The following MMP25 variants were observed in gnomAD, a reference collection of about 807,000 sequenced individuals.
MMP25 encodes matrix metallopeptidase 25.
MMP25 carries 68 observed loss-of-function variants against 62.1 expected under a neutral mutation model. That is an observed-to-expected ratio of 1.10 (90% CI 0.90 to 1.34). The LOEUF is 1.34. Among genes scored for constraint, MMP25 ranks in the 40% most tolerant of loss-of-function variants. MMP25 has a pLI of 0.00. For synonymous variants in MMP25, 407 were observed against 345.6 expected, an observed-to-expected ratio of 1.18 and a Z score of -1.97; for missense variants, 942 against 792.5, an observed-to-expected ratio of 1.19 and a Z score of -2.26.
rs1956089329 is a variant in MMP25, at chr16:3,060,158, A to C, written c.*1060A>C. On this transcript the variant is annotated 3_prime_UTR_variant, in exon 10 of 10. Transcript: ENST00000336577. ...CTCGTTCACCCTGTCCCCACTCCCC[A>C]CAGTTTTAGGATCTAAATGATTGCC... The C allele has an allele frequency of 6.6e-6, 1 of 152,118 alleles. No individual in the cohort carries two copies. The highest frequency in any genetic ancestry group is 1.5e-5 in the Non-Finnish European group (1 of 68,070). The allele number at this position is 152,118 out of a possible 1,614,324, so 9.4% of individuals were successfully genotyped here.
rs1281056323 is a variant in MMP25, at chr16:3,047,025, G to T, written c.99+9G>T. On this transcript the variant is annotated intron_variant, in intron 1 of 9. Transcript: ENST00000336577. ...ACGTGAGCCTGGGCGTGGTGAGCGC[G>T]GGGTCCGCAGGCTCCTGGGGTCTGC... is the stretch of plus-strand genomic sequence containing the variant. 30 of 1,431,020 alleles carry T rather than the reference G, an allele frequency of 2.1e-5. No homozygotes were observed. Among genetic ancestry groups the T allele is most frequent in the Non-Finnish European group, 2.7e-5 (30 of 1,100,168 alleles). 88.6% of individuals were successfully genotyped at this position (1,431,020 alleles called of 1,614,324 possible). A position where few individuals can be genotyped will look rare whatever the true frequency, so the allele number is the denominator to read the frequency against.
In MMP25 at chr16:3,050,449, G is replaced by C. The variant is rs747582945; in HGVS notation, c.564G>C (p.Leu188Phe). Residue 188 changes from leucine (L) to phenylalanine (F), a missense_variant, in exon 4 of 10, where the codon TTG (leucine) becomes TTC (phenylalanine). Transcript: ENST00000336577. Reference protein sequence around the residue: ...FHQDSYPFDGLGGTLAHAFFP... With the variant: ...FHQDSYPFDGFGGTLAHAFFP... ...AGGACAGCTACCCCTTCGACGGGTT[G>C]GGGGGCACCCTAGCCCATGCCTTCT... 1 of 1,613,422 alleles carries C rather than the reference G, an allele frequency of 6.2e-7. No individual in the cohort carries two copies. Among genetic ancestry groups the C allele is most frequent in the Non-Finnish European group, 8.5e-7 (1 of 1,179,764 alleles).
chr16:3,048,445 A>G (rs941960225), intron 2 of MMP25, among the ~76,000 whole-genome samples: 1 of 152,236 alleles, frequency 6.6e-6, no homozygotes, highest in Admixed American at 6.5e-5. Flanking sequence ...CAGATCAAGA[A>G]CATAAATATG....
chr16:3,057,320 C>G lies in MMP25; in HGVS notation c.849C>G (p.Pro283=). The change falls in exon 6 of 10, where the codon CCC becomes CCG. Residue 283 remains proline (P), a synonymous_variant. Coordinates refer to ENST00000336577, the MANE Select transcript of MMP25 (RefSeq NM_022468.5). ...DGLQQLYGKA[P]QTPYDKPTRK... is the part of the protein sequence containing the mutation. ...ACTCTTTCCTCACAGGGAAGGCGCC[C>G]CAAACCCCATATGACAAGCCCACAA... is the stretch of plus-strand genomic sequence containing the variant. The G allele has an allele frequency of 1.9e-6, 3 of 1,614,068 alleles. No homozygotes were observed. The highest frequency in any genetic ancestry group is 2.2e-5 in the East Asian group (1 of 44,876).
intron 7 of MMP25, 26 bp downstream of exon 7, chr16:3,057,639 T>C (rs1345036647): frequency 2.5e-6 from 4 of 1,608,198 alleles, no homozygotes; most frequent in African/African-American, 2.7e-5. Flanking sequence ...TGGCCTCATA[T>C]ATGTTGGTTT....
Position 3,057,973 on chromosome 16 carries a change from C to T in MMP25, c.1007-208C>T, listed in dbSNP as rs891327850. 1.8e-5 allele frequency: 11 copies of T among 607,994 alleles called. No homozygotes were observed. The Admixed American group carries it at 3.0e-4, about 16-fold the overall frequency. The allele number at this position is 607,994 out of a possible 1,614,324, so 37.7% of individuals were successfully genotyped here. On this transcript the variant is annotated intron_variant, in intron 7 of 9. Coordinates refer to ENST00000336577, the MANE Select transcript of MMP25 (RefSeq NM_022468.5). ...CGGTGTCAGCCTCCCAATGTGCTGG[C>T]ATTACAGGTCTGAGCCACCAGGCAA... is the stretch of plus-strand genomic sequence containing the variant.
Position 3,050,563 on chromosome 16 carries a change from T to C in MMP25, c.661+17T>C. On this transcript the variant is annotated intron_variant, in intron 4 of 9. Coordinates refer to ENST00000336577, the MANE Select transcript of MMP25 (RefSeq NM_022468.5). ...GGTCAAAAGGTAAAATCTCCTCTCT[T>C]ATGAGAGATCCTCTTGCCAGGTCTG... The C allele has an allele frequency of 1.3e-6, 2 of 1,511,688 alleles. No individual in the cohort carries two copies. The highest frequency in any genetic ancestry group is 1.8e-6 in the Non-Finnish European group (2 of 1,132,624). The allele number at this position is 1,511,688 out of a possible 1,614,324, so 93.6% of individuals were successfully genotyped here.
intron 4 of MMP25, chr16:3,056,832 G>C (rs903370423): frequency 3.6e-6 from 2 of 554,886 alleles, no homozygotes; most frequent in Admixed American, 3.6e-5. Flanking sequence ...CTGTGGTCCA[G>C]TGTCCATCAC....
Position 3,057,059 on chromosome 16 carries a change from G to T in MMP25, c.688G>T (p.Val230Leu). The T allele has an allele frequency of 1.3e-6, 2 of 1,594,970 alleles. No homozygotes were observed. Among genetic ancestry groups the T allele is most frequent in the Admixed American group, 1.8e-5 (1 of 57,026 alleles). ...CGGCGAGGGGACCGACCTGTTTGCC[G>T]TGGCTGTCCATGAGTTTGGCCACGC... ...KDGEGTDLFA[V>L]AVHEFGHALG... is the part of the protein sequence containing the mutation. Residue 230 changes from valine to leucine, a missense_variant, in exon 5 of 10, where the codon GTG becomes TTG. Val to Leu is a conservative substitution (Grantham distance 32). Transcript: ENST00000336577.
chr16:3,049,509 GGACCCCAGAGA>G (rs1955868575), intron 2 of MMP25, among the ~76,000 whole-genome samples: 2 of 152,318 alleles, frequency 1.3e-5, no homozygotes, highest in South Asian at 4.1e-4. Flanking sequence ...CTGGGAAAGG[GGACCCCAGAGA>G]GACCTAACCC....
Position 3,047,499 on chromosome 16 carries a change from A to C in MMP25, c.184A>C (p.Ile62Leu). The change falls in exon 2 of 10, where the codon ATC becomes CTC. Residue 62 changes from isoleucine to leucine, a missense_variant. Coordinates refer to ENST00000336577, the MANE Select transcript of MMP25 (RefSeq NM_022468.5). ...GAGCCCTGAGAAGTTGCGCGATGCCATCAAAGTCATGCAGAGGTTCGCGGG... is the reference window on the plus strand; with the variant it reads ...GAGCCCTGAGAAGTTGCGCGATGCCCTCAAAGTCATGCAGAGGTTCGCGGG... ...LQSPEKLRDA[I>L]KVMQRFAGLP... 6.2e-7 allele frequency: 1 copy of C among 1,613,798 alleles called. No individual in the cohort carries two copies. The highest frequency in any genetic ancestry group is 8.5e-7 in the Non-Finnish European group (1 of 1,179,940).
rs1034381190 is a variant in MMP25 at position 3,046,896 on chromosome 16, G to T, written c.-22G>T. The T allele has an allele frequency of 2.5e-5, 35 of 1,373,338 alleles. No homozygotes were observed. The African/African-American group carries it at 5.2e-4, about 20-fold the overall frequency. 85.1% of individuals were successfully genotyped at this position (1,373,338 alleles called of 1,614,324 possible). On this transcript the variant is annotated 5_prime_UTR_variant, in exon 1 of 10. Coordinates refer to ENST00000336577, the MANE Select transcript of MMP25 (RefSeq NM_022468.5). ...GCCAGGCCCCCTTCGAACCCCGCCG[G>T]CGGCCCGGGCTGGGGCGCACCATGC... is the stretch of plus-strand genomic sequence containing the variant.
rs114456494 is a variant in MMP25 at position 3,048,746 on chromosome 16, T to C, written c.232+1199T>C. 7.4e-3 allele frequency among the ~76,000 whole-genome samples: 1,128 copies of C among 152,082 alleles called. 13 individuals carry two copies. Among genetic ancestry groups the C allele is most frequent in the African/African-American group, 0.026 (1,060 of 41,466 alleles). On this transcript the variant is annotated intron_variant, in intron 2 of 9. Coordinates refer to ENST00000336577, the MANE Select transcript of MMP25 (RefSeq NM_022468.5). ...TGATTAGGGTTGATTCCAAGGGTGA[T>C]TAGCAACCACCTAAGTGTTCTCAGA...
chr16:3,052,081 G>A (rs146446575), intron 4 of MMP25: 7,653 of 152,084 alleles, frequency 0.05, 274 homozygotes, highest in Middle Eastern at 0.095. Flanking sequence ...AGCCGAGATC[G>A]TGCCACTGCA....
At chr16:3,055,222 G>T (rs932900911) in intron 4 of MMP25, among the ~76,000 whole-genome samples, 5 of 152,098 alleles carry the variant, frequency 3.3e-5, no homozygotes, top group African/African-American at 1.2e-4. Flanking sequence ...GTGGGGCTGG[G>T]TCTGCACAGC....
chr16:3,056,449 G>C (rs1382352484), intron 4 of MMP25, among the ~76,000 whole-genome samples: 3 of 151,562 alleles, frequency 2.0e-5, no homozygotes, highest in Non-Finnish European at 4.4e-5. Flanking sequence ...CTCCAGGCTG[G>C]AGTGCAATGA....
chr16:3,050,493 T>C lies in MMP25; in HGVS notation c.608T>C (p.Ile203Thr), dbSNP rs985290664. The stretch of plus-strand genomic sequence containing the variant: ...GCCTTCTTCCCTGGGGAGCACCCCA[T>C]CTCCGGGGACACTCACTTTGACGAT... ...AHAFFPGEHP[I>T]SGDTHFDDEE... is the part of the protein sequence containing the mutation. The change falls in exon 4 of 10, where the codon ATC becomes ACC. Residue 203 changes from isoleucine (I) to threonine (T), a missense_variant. By Grantham distance (89) the Ile-to-Thr change is moderately conservative. Coordinates refer to ENST00000336577, the MANE Select transcript of MMP25 (RefSeq NM_022468.5). 78 of 1,598,882 alleles carry C rather than the reference T, an allele frequency of 4.9e-5. No homozygotes were observed. The highest frequency in any genetic ancestry group is 6.6e-5 in the Non-Finnish European group (77 of 1,170,666).
At chr16:3,047,588 C>G in intron 2 of MMP25, 41 bp downstream of exon 2, 1 of 1,601,254 alleles carries the variant, frequency 6.2e-7, no homozygotes, top group Non-Finnish European at 8.5e-7. Context: ...CCTCTGCACC[C>G]AGCCTGTCCA....
In MMP25 at chr16:3,058,864, C is replaced by CT. The variant is rs781724086; in HGVS notation, c.1457dup (p.Lys488GlnfsTer147). On this transcript the variant is annotated frameshift_variant, in exon 10 of 10. Transcript: ENST00000336577. LOFTEE classifies it high-confidence loss of function. The stretch of plus-strand genomic sequence containing the variant: ...TCTTCAAGGGCGCCCACTACTGGCG[C>CT]TTCCCCAAGAACAGCATCAAGACCG... 5.8e-6 allele frequency: 9 copies of CT among 1,546,226 alleles called. No individual in the cohort carries two copies. Among genetic ancestry groups the CT allele is most frequent in the Non-Finnish European group, 7.9e-6 (9 of 1,144,068 alleles).
Sources: allele counts gnomAD v4.1 joint callset (sites outside exome capture counted in the v4.1 genomes callset), GRCh38; gene constraint gnomAD v4.1.1; transcripts MANE v1.5; gene names NCBI Gene and HGNC (gene_info 2026-07-23, HGNC 2026-07-21).